MEG3: variants seen among roughly 807,000 people sequenced by gnomAD.
MEG3 encodes the protein maternally expressed 3, also known as Very putative protein from MEG3 locus.
At chr14:100,848,683 C>T (rs2037985823) in intron 3 of MEG3, 1 of 152,094 alleles carries the variant, frequency 6.6e-6, no homozygotes. Flanking sequence ...TTAGCACAAG[C>T]CATCCACATT....
chr14:100,837,743 C>T lies in MEG3; in HGVS notation n.3045+1443C>T, dbSNP rs1362847602. ...TTTAATCAAACAGAGGATTTGGAGA[C>T]AGCTCTCCTGCAGCCCTGCACTTCT... On this transcript the variant is annotated intron_variant and non_coding_transcript_variant, in intron 2 of 3. Transcript: ENST00000398461. This position sits in a 1 kb window ranked among gnomAD's most constrained non-coding sequence, Gnocchi z 5.8. 6.6e-6 allele frequency among the ~76,000 whole-genome samples: 1 copy of T among 152,042 alleles called. No individual in the cohort carries two copies. The highest frequency in any genetic ancestry group is 2.4e-5 in the African/African-American group (1 of 41,410).
chr14:100,828,500 T>C (rs1220989644), intron 1 of MEG3, among the ~76,000 whole-genome samples: 1 of 36,478 alleles, frequency 2.7e-5, no homozygotes, highest in African/African-American at 9.1e-5. Flanking sequence ...TCCCCTTCTC[T>C]CCTCCCCTCT....
At chr14:100,832,597 C>T (rs2037428851), downstream of MEG3, 1 of 152,768 alleles carries the variant, frequency 6.5e-6, no homozygotes, top group East Asian at 1.9e-4. Context: ...GCATAAGGAT[C>T]CTTCTTTGTC....
exon 1 of MEG3, chr14:100,835,000 C>T (rs2037520442): frequency 5.5e-6 from 2 of 361,622 alleles, no homozygotes; most frequent in Admixed American, 3.4e-5. Flanking sequence ...GGGCACCGGC[C>T]ACCGTAGCCC....
chr14:100,832,589 A>G (rs1490256577), downstream of MEG3: 1 of 152,684 alleles, frequency 6.5e-6, no homozygotes, highest in African/African-American at 2.4e-5. Flanking sequence ...TATTCGTCGC[A>G]TAAGGATCCT....
exon 1 of MEG3, chr14:100,858,829 C>T (rs1167614786): frequency 6.5e-6 from 1 of 152,790 alleles, no homozygotes; most frequent in Admixed American, 6.5e-5. Context: ...TCCTATTGCT[C>T]CCAAGAGGCT....
intron 3 of MEG3, chr14:100,851,896 G>C (rs1341410370): frequency 2.5e-5 from 4 of 162,148 alleles, no homozygotes; most frequent in Non-Finnish European, 5.5e-5. Context: ...CTCTGTAGTG[G>C]AGGAAATGTG....
exon 1 of MEG3, chr14:100,835,713 C>T (rs913740466): frequency 8.7e-5 from 15 of 172,780 alleles, no homozygotes; most frequent in African/African-American, 2.9e-4. Context: ...GGAGCCACTC[C>T]CACTCCAGCT....
chr14:100,847,076 G>A (rs2037939737), intron 3 of MEG3: 2 of 151,500 alleles, frequency 1.3e-5, no homozygotes, highest in Admixed American at 1.3e-4. Context: ...TCTGTAAGGA[G>A]GACCATGTCA....
chr14:100,846,274 G>A (rs1022286903), intron 3 of MEG3: 1 of 152,230 alleles, frequency 6.6e-6, no homozygotes, highest in African/African-American at 2.4e-5. Context: ...GTTTCTCATG[G>A]GGATGGTCAT....
chr14:100,828,211 G>A (rs1044529223), intron 1 of MEG3, among the ~76,000 whole-genome samples: 5 of 152,034 alleles, frequency 3.3e-5, no homozygotes, highest in African/African-American at 9.7e-5. Context: ...CTGCACTCCT[G>A]GGTTACGGGT....
In MEG3 at chr14:100,845,804, TTTC is replaced by T. The variant is rs575074597; in HGVS notation, n.3121+277_3121+279del. On this transcript the variant is annotated intron_variant and non_coding_transcript_variant, in intron 3 of 3. Transcript: ENST00000398461. The surrounding 1 kb of genome is among the most constrained non-coding windows in gnomAD (Gnocchi z 5.2). ...CTTCAAATGTCGGACCCCAAAAGAATTTCTTCTTTTTCACTCTTCTAAATGAAT... is the reference window on the plus strand; with the variant it reads ...CTTCAAATGTCGGACCCCAAAAGAATTTCTTTTTCACTCTTCTAAATGAAT... 7.8e-4 allele frequency: 168 copies of T among 215,238 alleles called. 1 individual carries two copies. The highest frequency in any genetic ancestry group is 3.9e-3 in the African/African-American group (165 of 42,674). 13.3% of individuals were successfully genotyped at this position (215,238 alleles called of 1,614,324 possible).
chr14:100,835,255 A>T (rs1255107002), exon 1 of MEG3: 1 of 172,710 alleles, frequency 5.8e-6, no homozygotes, highest in African/African-American at 2.4e-5. Context: ...GGGCACGGGA[A>T]CAGCTGTAGT....
intron 1 of MEG3, chr14:100,860,651 G>T: frequency 2.2e-6 from 1 of 456,622 alleles, no homozygotes; most frequent in Non-Finnish European, 4.4e-6. Flanking sequence ...CAGCGAGGCC[G>T]GGAGCAGGTG....
chr14:100,843,565 C>A (rs1056804576), intron 2 of MEG3, among the ~76,000 whole-genome samples: 4 of 152,156 alleles, frequency 2.6e-5, no homozygotes, highest in African/African-American at 9.7e-5. Flanking sequence ...CCAGTTATGG[C>A]AGAACAGGGT....
chr14:100,847,888 T>C (rs2037962060), intron 3 of MEG3: 1 of 152,052 alleles, frequency 6.6e-6, no homozygotes, highest in South Asian at 2.1e-4. Context: ...ACTCCACTAA[T>C]AGAGGAATAA....
intron 2 of MEG3, among the ~76,000 whole-genome samples, chr14:100,844,541 C>T (rs911412956): frequency 2.6e-5 from 4 of 152,176 alleles, no homozygotes; most frequent in Non-Finnish European, 5.9e-5. Context: ...TCCCAGATCC[C>T]GTCCCCACCA....
intron 3 of MEG3, chr14:100,850,603 C>CAAAAAAAAA (rs778741543): frequency 1.0e-5 from 1 of 97,990 alleles, no homozygotes; most frequent in Admixed American, 9.5e-5. Flanking sequence ...TATCTTAGAT[C>CAAAAAAAAA]AAAAAAGAAA....
At chr14:100,842,569 A>C (rs1370884356) in intron 2 of MEG3, among the ~76,000 whole-genome samples, 1 of 152,196 alleles carries the variant, frequency 6.6e-6, no homozygotes, top group Non-Finnish European at 1.5e-5. Context: ...GTGTTTACTC[A>C]ACAGGTAGGA....
Sources: gnomAD v4.1 joint callset for allele counts (sites outside exome capture counted in the v4.1 genomes callset) on GRCh38, gnomAD v4.1.1 for gene constraint, Gnocchi (gnomAD v3.1) non-coding constraint, MANE v1.5 for transcripts, NCBI Gene and HGNC (gene_info 2026-07-23, HGNC 2026-07-21) for gene names.